Variants in TECPR1 observed in about 807,000 individuals in gnomAD.
The protein encoded by TECPR1 is tectonin beta-propeller repeat containing 1, also known as tectonin beta-propeller repeat-containing protein 1.
TECPR1 carries 122 observed loss-of-function variants against 162.4 expected under a neutral mutation model. The observed-to-expected ratio is 0.75, with a 90% CI of 0.65 to 0.87. The LOEUF is 0.87. Among genes scored for constraint, TECPR1 ranks in the 40% least tolerant of loss-of-function variants. TECPR1 has a pLI of 0.00. For synonymous variants in TECPR1, 642 were observed against 670.6 expected (o/e 0.96, Z 0.66); for missense variants, 1,432 against 1,618.2 (o/e 0.88, Z 1.97).
At position 98,233,650 on chromosome 7, in the gene TECPR1, G is replaced by T. The variant is rs1403430000; in HGVS notation, c.1443C>A (p.Thr481=). The part of the protein sequence containing the change: ...RPNTHPGPAP[T]PAELPWTNID... ...TATTGGTCCAGGGCAGCTCGGCCGG[G>T]GTGGGGGCCGGGCCGGGGTGCGTGT... is the stretch of plus-strand genomic sequence containing the variant. The change falls in exon 11 of 26, where the codon ACC becomes ACA. Residue 481 remains threonine, a synonymous_variant. Coordinates refer to ENST00000447648, the MANE Select transcript of TECPR1 (RefSeq NM_015395.3). 1 of 1,593,908 alleles carries T rather than the reference G, an allele frequency of 6.3e-7. No individual in the cohort carries two copies. Among genetic ancestry groups the T allele is most frequent in the Admixed American group, 1.7e-5 (1 of 58,010 alleles).
In TECPR1 at chr7:98,222,437, T is replaced by A; in HGVS notation, c.3013A>T (p.Arg1005Trp). The change falls in exon 22 of 26, where the codon AGG (arginine) becomes TGG (tryptophan). Residue 1005 changes from arginine (R) to tryptophan (W), a missense_variant. By Grantham distance (101) the Arg-to-Trp change is moderately radical. Coordinates refer to ENST00000447648, the MANE Select transcript of TECPR1 (RefSeq NM_015395.3). ...CCCCGGTAGAAGGCGGAGCCGTCCC[T>A]TGCCACGGCCCACACCTGGTAGCAG... ...GACYQVWAVA[R>W]DGSAFYRGSV... 1 of 1,596,040 alleles carries A rather than the reference T, an allele frequency of 6.3e-7. No individual in the cohort carries two copies.
At chr7:98,226,445 CA>C (rs1798281150) in intron 17 of TECPR1, 14 of 1,002,692 alleles carry the variant, frequency 1.4e-5, no homozygotes, top group Non-Finnish European at 1.7e-5. Flanking sequence ...ACTCTGGGTA[CA>C]GAACGGTGAG....
intron 16 of TECPR1, 107 bp from the exon 17 acceptor site, chr7:98,228,223 G>A: frequency 1.1e-6 from 1 of 881,800 alleles, no homozygotes; most frequent in South Asian, 1.4e-5. Context: ...GGGCGGGCTG[G>A]AGCCAGGTCA....
At chr7:98,234,323 T>G (rs1376127270) in intron 10 of TECPR1, among the ~76,000 whole-genome samples, 2 of 152,090 alleles carry the variant, frequency 1.3e-5, no homozygotes, top group East Asian at 1.9e-4. Context: ...CCTGGCTAAT[T>G]TTTGTATTTT....
chr7:98,223,266 A>C, intron 20 of TECPR1, 96 bp from the exon 21 acceptor site: 1 of 1,305,082 alleles, frequency 7.7e-7, no homozygotes, highest in Non-Finnish European at 1.0e-6. Flanking sequence ...AAAGCAGCCA[A>C]CCCCGGGGCG....
intron 23 of TECPR1, among the ~76,000 whole-genome samples, 179 bp downstream of exon 23, chr7:98,221,482 G>GTTT (rs71532099): frequency 3.0e-5 from 4 of 135,392 alleles, no homozygotes; most frequent in South Asian, 2.9e-4. Context: ...AAAAATTAAA[G>GTTT]TTTTTTTTTT....
In TECPR1 at chr7:98,244,611, A is replaced by C. The variant is rs776135382; in HGVS notation, c.491T>G (p.Ile164Ser). The change falls in exon 5 of 26, where the codon ATC becomes AGC. Residue 164 changes from isoleucine to serine, a missense_variant. By Grantham distance (142) the Ile-to-Ser change is moderately radical (BLOSUM62 -2). Transcript: ENST00000447648. ...CCGGGACTTGTATCTCCTGTACCGG[A>C]TCCACTTCCGGCGCCGCACACAAGA... The part of the protein sequence containing the change: ...WNSCVRRRKW[I>S]RYRRYKSRDI... The C allele has an allele frequency of 1.2e-6, 2 of 1,612,918 alleles. No individual in the cohort carries two copies. The highest frequency in any genetic ancestry group is 1.7e-6 in the Non-Finnish European group (2 of 1,179,658).
At chr7:98,219,541 C>A (rs1344035621) in intron 23 of TECPR1, among the ~76,000 whole-genome samples, 1 of 152,150 alleles carries the variant, frequency 6.6e-6, no homozygotes, top group Non-Finnish European at 1.5e-5. Flanking sequence ...TCAGCACACA[C>A]ACAAAAAACA....
At chr7:98,237,865 T>G (rs1017782088) in intron 9 of TECPR1, among the ~76,000 whole-genome samples, 3 of 152,210 alleles carry the variant, frequency 2.0e-5, no homozygotes, top group Non-Finnish European at 2.9e-5. Context: ...CTTGACCTCC[T>G]GGGCTCAGGC....
Position 98,222,976 on chromosome 7 carries a change from G to A in TECPR1, c.2928+14C>T, listed in dbSNP as rs748824390. ...TCTCATTTCAAGAAGAATCTGTCTG[G>A]CCCCGGCACTCACCGCAGGGTTGAG... On this transcript the variant is annotated intron_variant, in intron 21 of 25. Coordinates refer to ENST00000447648, the MANE Select transcript of TECPR1 (RefSeq NM_015395.3). 1 of 1,610,632 alleles carries A rather than the reference G, an allele frequency of 6.2e-7. No homozygotes were observed. Among genetic ancestry groups the A allele is most frequent in the Admixed American group, 1.7e-5 (1 of 59,738 alleles).
intron 6 of TECPR1, 126 bp downstream of exon 6, chr7:98,243,341 C>T: frequency 1.5e-6 from 2 of 1,325,310 alleles, no homozygotes; most frequent in Non-Finnish European, 2.0e-6. Flanking sequence ...AGAGAAAGGC[C>T]AGGAGCAGGC....
At chr7:98,221,436 G>A (rs960148302) in intron 23 of TECPR1, among the ~76,000 whole-genome samples, 2 of 151,796 alleles carry the variant, frequency 1.3e-5, no homozygotes, top group Non-Finnish European at 2.9e-5. Context: ...AACATCTCAT[G>A]TACCCCATAA....
rs1469659057 is a variant in TECPR1, at chr7:98,243,038, C to CCCA, written c.657+428_657+429insTGG. Among the ~76,000 whole-genome samples, 2 of 44,874 alleles carry CCCA rather than the reference C, an allele frequency of 4.5e-5. 1 individual carries two copies. The highest frequency in any genetic ancestry group is 5.7e-4 in the Admixed American group (2 of 3,490). 29.4% of individuals were successfully genotyped at this position (44,874 alleles called of 152,430 possible). Reference sequence around the variant, plus strand: ...TCCACACACCCACCTATCCATCCTTCTGCCCACACACCCACCCATCCACCC... The same window carrying CCCA: ...TCCACACACCCACCTATCCATCCTTCCCATGCCCACACACCCACCCATCCACCC... On this transcript the variant is annotated intron_variant, in intron 6 of 25. Coordinates refer to ENST00000447648, the MANE Select transcript of TECPR1 (RefSeq NM_015395.3).
chr7:98,226,816 C>G (rs778734679), intron 17 of TECPR1: 2 of 392,540 alleles, frequency 5.1e-6, no homozygotes, highest in Non-Finnish European at 9.5e-6. Context: ...GCCTGTAATC[C>G]CAACTACTCG....
At chr7:98,244,483 A>G in intron 5 of TECPR1, 88 bp downstream of exon 5, 1 of 1,509,608 alleles carries the variant, frequency 6.6e-7, no homozygotes, top group East Asian at 2.3e-5. Flanking sequence ...CCCCTGGTGC[A>G]CACAGGTGGG....
At chr7:98,222,064 G>A (rs746215176) in intron 22 of TECPR1, among the ~76,000 whole-genome samples, 19 of 152,334 alleles carry the variant, frequency 1.2e-4, no homozygotes, top group East Asian at 7.7e-4. Flanking sequence ...GAGTACCAGC[G>A]TCCCCGTGTT....
At position 98,221,681 on chromosome 7, in the gene TECPR1, A is replaced by G; in HGVS notation, c.3137T>C (p.Val1046Ala). ...LKQVSAGQTS[V>A]YALDENGNLW... is the part of the protein sequence containing the mutation. ...CTTGCCATTCTCATCCAGGGCATACACCGACGTCTGCCCCGCGGACACCTG... is the reference window on the plus strand; with the variant it reads ...CTTGCCATTCTCATCCAGGGCATACGCCGACGTCTGCCCCGCGGACACCTG... The change falls in exon 23 of 26, where the codon GTG becomes GCG. Residue 1046 changes from valine (V) to alanine (A), a missense_variant. By Grantham distance (64) the Val-to-Ala change is moderately conservative. Transcript: ENST00000447648. The G allele has an allele frequency of 6.2e-7, 1 of 1,612,534 alleles. No homozygotes were observed. The highest frequency in any genetic ancestry group is 8.5e-7 in the Non-Finnish European group (1 of 1,179,584).
Position 98,231,832 on chromosome 7 carries a change from A to G in TECPR1, c.1946T>C (p.Ile649Thr). 1 of 1,612,830 alleles carries G rather than the reference A, an allele frequency of 6.2e-7. No individual in the cohort carries two copies. Among genetic ancestry groups the G allele is most frequent in the Non-Finnish European group, 8.5e-7 (1 of 1,179,706 alleles). Residue 649 changes from isoleucine (I) to threonine (T), a missense_variant, in exon 13 of 26, where the codon ATC (isoleucine) becomes ACC (threonine). Physicochemically the swap from Ile to Thr is moderately conservative, Grantham distance 89. Coordinates refer to ENST00000447648, the MANE Select transcript of TECPR1 (RefSeq NM_015395.3). ...CTTCTCCTCGTGGACCACATAGTAG[A>G]TGAAGAGGATGCTGTCCCGGACGCC... ...HDGVRDSILF[I>T]YYVVHEEKKY...
rs565553606 is a variant in TECPR1 at position 98,243,665 on chromosome 7, C to T, written c.532-73G>A. On this transcript the variant is annotated intron_variant, in intron 5 of 25. Coordinates refer to ENST00000447648, the MANE Select transcript of TECPR1 (RefSeq NM_015395.3). The stretch of plus-strand genomic sequence containing the variant: ...CCTGGGCATGCACCCACCTCCCGCC[C>T]GCCTGCCATCCGGACTTCCATTCTT... 23 of 1,526,186 alleles carry T rather than the reference C, an allele frequency of 1.5e-5. No homozygotes were observed. In the African/African-American group the frequency reaches 2.3e-4, roughly 15 times the overall value. 94.5% of individuals were successfully genotyped at this position (1,526,186 alleles called of 1,614,324 possible).
Sources: gnomAD v4.1 joint callset for allele counts (sites outside exome capture counted in the v4.1 genomes callset) on GRCh38, gnomAD v4.1.1 for gene constraint, MANE v1.5 for transcripts, NCBI Gene and HGNC (gene_info 2026-07-23, HGNC 2026-07-21) for gene names.